Variants in ERVFRD-1 observed in about 807,000 individuals in gnomAD.
ERVFRD-1 encodes syncytin-2.
ERVFRD-1 carries 33 observed loss-of-function variants against 43.8 expected under a neutral mutation model. The ratio of observed to expected loss-of-function variants is 0.75; its 90% CI spans 0.57 to 1.01. ERVFRD-1 has a LOEUF of 1.01. ERVFRD-1 is among the 50% of genes least tolerant of loss of function. The pLI, the probability that ERVFRD-1 is intolerant of heterozygous loss-of-function variation, is 0.00. For missense variants in ERVFRD-1, 568 were observed against 658.4 expected, an observed-to-expected ratio of 0.86 and a Z score of 1.50; for synonymous variants, 239 against 244.4, an observed-to-expected ratio of 0.98 and a Z score of 0.21.
At chr6:11,108,986 T>C (rs2113648485) in intron 1 of ERVFRD-1, among the ~76,000 whole-genome samples, 1 of 152,338 alleles carries the variant, frequency 6.6e-6, no homozygotes, top group East Asian at 1.9e-4. Flanking sequence ...CTTTCATTCC[T>C]TCTATCAGAT....
rs1758017869 is a variant in ERVFRD-1 at position 11,102,966 on chromosome 6, G to A, written c.*728C>T. 6.6e-6 allele frequency: 1 copy of A among 152,186 alleles called. No homozygotes were observed. The highest frequency in any genetic ancestry group is 2.4e-5 in the African/African-American group (1 of 41,450). 9.4% of individuals were successfully genotyped at this position (152,186 alleles called of 1,614,324 possible). On this transcript the variant is annotated 3_prime_UTR_variant, in exon 2 of 2. Transcript: ENST00000472091. ...CTTGAGAGATCCAATTGCCTTGGTA[G>A]GCCCTTGACTTGGGGTTTTATACAT...
chr6:11,103,750 G>A lies in ERVFRD-1; in HGVS notation c.1561C>T (p.Gln521Ter). 1 of 1,551,670 alleles carries A rather than the reference G, an allele frequency of 6.4e-7. No homozygotes were observed. The highest frequency in any genetic ancestry group is 8.7e-7 in the Non-Finnish European group (1 of 1,146,986). Residue 521 changes from glutamine to a stop codon, truncating the protein, a stop_gained, in exon 2 of 2, where the codon CAG (glutamine) becomes TAG (stop). Transcript: ENST00000472091. LOFTEE classifies it high-confidence loss of function. ...TGGCGTCCTGCACTGAGATTCGTCT[G>A]GAGCTTTATGGCCTGAAGGCGAGAG... The part of the protein sequence containing the change: ...VSSRLQAIKL[Q>*]TNLSAGRHPR...
In ERVFRD-1 at chr6:11,103,595, C is replaced by G. The variant is rs1047382228; in HGVS notation, c.*99G>C. 8 of 1,452,106 alleles carry G rather than the reference C, an allele frequency of 5.5e-6. No individual in the cohort carries two copies. The African/African-American group carries it at 1.0e-4, about 18-fold the overall frequency. The allele number at this position is 1,452,106 out of a possible 1,614,324, so 90.0% of individuals were successfully genotyped here. ...TGCTAGCTGTCAGGGCAGGATGGCT[C>G]TGTGGATTGGCAAAAACCATATCCA... On this transcript the variant is annotated 3_prime_UTR_variant, in exon 2 of 2. Transcript: ENST00000472091.
Position 11,105,453 on chromosome 6 carries a change from AG to A in ERVFRD-1, c.-144del. 1 of 639,742 alleles carries A rather than the reference AG, an allele frequency of 1.6e-6. No individual in the cohort carries two copies. The allele number at this position is 639,742 out of a possible 1,614,324, so 39.6% of individuals were successfully genotyped here. Reference sequence around the variant, plus strand: ...TGGGATCACCTTACTTTGAGGTGAAAGGATGTTGGTGGGGCATTACTTATCT... The same window carrying A: ...TGGGATCACCTTACTTTGAGGTGAAAGATGTTGGTGGGGCATTACTTATCT... On this transcript the variant is annotated 5_prime_UTR_variant, in exon 2 of 2. The change abolishes the stop of an existing upstream ORF in the 5' untranslated region. Coordinates refer to ENST00000472091, the MANE Select transcript of ERVFRD-1 (RefSeq NM_207582.3).
At position 11,104,627 on chromosome 6, in the gene ERVFRD-1, A is replaced by C. The variant is rs1396094042; in HGVS notation, c.684T>G (p.Val228=). Residue 228 remains valine (V), a synonymous_variant, in exon 2 of 2, where the codon GTT becomes GTG. Coordinates refer to ENST00000472091, the MANE Select transcript of ERVFRD-1 (RefSeq NM_207582.3). ...ISNLSSTAEW[V]LLDQTRNSLF... is the part of the protein sequence containing the mutation. ...GAGAATTTCGAGTTTGGTCCAATAGAACCCATTCCGCTGTAGAGCTGAGGT... is the reference window on the plus strand; with the variant it reads ...GAGAATTTCGAGTTTGGTCCAATAGCACCCATTCCGCTGTAGAGCTGAGGT... 1 of 1,614,206 alleles carries C rather than the reference A, an allele frequency of 6.2e-7. No homozygotes were observed. Among genetic ancestry groups the C allele is most frequent in the South Asian group, 1.1e-5 (1 of 91,086 alleles).
rs13214666 is a variant in ERVFRD-1 at position 11,103,304 on chromosome 6, C to A, written c.*390G>T. ...TGTTTCCTATCTATTGGGAGGCCAT[C>A]GTTCCCTGGCGCCAGCTGCCACTCA... is the stretch of plus-strand genomic sequence containing the variant. On this transcript the variant is annotated 3_prime_UTR_variant, in exon 2 of 2. Transcript: ENST00000472091. 0.2 allele frequency: 37,053 copies of A among 182,162 alleles called. 4,237 individuals carry two copies. The highest frequency in any genetic ancestry group is 0.3 in the African/African-American group (12,834 of 42,432). The allele number at this position is 182,162 out of a possible 1,614,324, so 11.3% of individuals were successfully genotyped here.
intron 1 of ERVFRD-1, among the ~76,000 whole-genome samples, chr6:11,108,687 A>C (rs1758124107): frequency 6.6e-6 from 1 of 151,336 alleles, no homozygotes; most frequent in Non-Finnish European, 1.5e-5. Context: ...GCCCTTTCCT[A>C]CTCCTCCTGG....
In ERVFRD-1 at chr6:11,105,237, A is replaced by C. The variant is rs760973196; in HGVS notation, c.74T>G (p.Leu25Trp). The C allele has an allele frequency of 6.2e-7, 1 of 1,614,162 alleles. No individual in the cohort carries two copies. Among genetic ancestry groups the C allele is most frequent in the African/African-American group, 1.3e-5 (1 of 75,048 alleles). ...TTGGAGCAGTTGCTGAGCTTTTTCC[A>C]ATAACGGGAAATCAGGATGGCGGTA... ...AAYRHPDFPL[L>W]EKAQQLLQST... is the part of the protein sequence containing the mutation. The change falls in exon 2 of 2, where the codon TTG (leucine) becomes TGG (tryptophan). Residue 25 changes from leucine to tryptophan, a missense_variant. Leu to Trp is a moderately conservative substitution (Grantham distance 61, BLOSUM62 -2). Coordinates refer to ENST00000472091, the MANE Select transcript of ERVFRD-1 (RefSeq NM_207582.3).
chr6:11,103,622 C>G lies in ERVFRD-1; in HGVS notation c.*72G>C. The stretch of plus-strand genomic sequence containing the variant: ...GTGGATTGGCAAAAACCATATCCAG[C>G]CAGGTCCACGGGAGACGGGGCAGGA... On this transcript the variant is annotated 3_prime_UTR_variant, in exon 2 of 2. Coordinates refer to ENST00000472091, the MANE Select transcript of ERVFRD-1 (RefSeq NM_207582.3). The G allele has an allele frequency of 6.8e-7, 1 of 1,467,468 alleles. No individual in the cohort carries two copies. The highest frequency in any genetic ancestry group is 9.0e-7 in the Non-Finnish European group (1 of 1,109,594). 90.9% of individuals were successfully genotyped at this position (1,467,468 alleles called of 1,614,324 possible). A position where few individuals can be genotyped will look rare whatever the true frequency, so the allele number is the denominator to read the frequency against.
chr6:11,102,971 T>A lies in ERVFRD-1; in HGVS notation c.*723A>T, dbSNP rs1299151424. 1 of 152,232 alleles carries A rather than the reference T, an allele frequency of 6.6e-6. No homozygotes were observed. Among genetic ancestry groups the A allele is most frequent in the Non-Finnish European group, 1.5e-5 (1 of 68,058 alleles). The allele number at this position is 152,232 out of a possible 1,614,324, so 9.4% of individuals were successfully genotyped here. On this transcript the variant is annotated 3_prime_UTR_variant, in exon 2 of 2. Coordinates refer to ENST00000472091, the MANE Select transcript of ERVFRD-1 (RefSeq NM_207582.3). Reference sequence around the variant, plus strand: ...GAGATCCAATTGCCTTGGTAGGCCCTTGACTTGGGGTTTTATACATTGGCA... The same window carrying A: ...GAGATCCAATTGCCTTGGTAGGCCCATGACTTGGGGTTTTATACATTGGCA...
Position 11,103,781 on chromosome 6 carries a change from A to G in ERVFRD-1, c.1530T>C (p.Phe510=). Residue 510 remains phenylalanine, a synonymous_variant, in exon 2 of 2, where the codon TTT becomes TTC. Transcript: ENST00000472091. ...TTATGGCCTGAAGGCGAGAGGAGAC[A>G]AATTGGGTTATTAGATTTAGGAGAC... The part of the protein sequence containing the change: ...GPCLLNLITQ[F]VSSRLQAIKL... The G allele has an allele frequency of 6.4e-7, 1 of 1,551,700 alleles. No homozygotes were observed. The highest frequency in any genetic ancestry group is 8.7e-7 in the Non-Finnish European group (1 of 1,146,990).
intron 1 of ERVFRD-1, among the ~76,000 whole-genome samples, chr6:11,111,020 G>A (rs1343556969): frequency 6.6e-6 from 1 of 152,168 alleles, no homozygotes; most frequent in Non-Finnish European, 1.5e-5. Flanking sequence ...CAGAGCTAAG[G>A]TTCTGATTAG....
At chr6:11,106,763 T>G (rs1266831933) in intron 1 of ERVFRD-1, among the ~76,000 whole-genome samples, 1 of 152,190 alleles carries the variant, frequency 6.6e-6, no homozygotes, top group Non-Finnish European at 1.5e-5. Context: ...GCAGTTTCAT[T>G]AGAGCCCCTT....
At chr6:11,109,378 A>C (rs1294270957) in intron 1 of ERVFRD-1, among the ~76,000 whole-genome samples, 1 of 152,162 alleles carries the variant, frequency 6.6e-6, no homozygotes, top group Non-Finnish European at 1.5e-5. Context: ...GCATAACTTA[A>C]GGAGGTGGTG....
intron 1 of ERVFRD-1, among the ~76,000 whole-genome samples, chr6:11,108,847 G>T (rs1356452599): frequency 6.6e-6 from 1 of 152,168 alleles, no homozygotes; most frequent in Non-Finnish European, 1.5e-5. Context: ...CCTTCTAGTG[G>T]GTCTGGGTCT....
chr6:11,107,608 G>A (rs954652028), intron 1 of ERVFRD-1, among the ~76,000 whole-genome samples: 5 of 152,166 alleles, frequency 3.3e-5, no homozygotes, highest in African/African-American at 1.2e-4. Context: ...GGGTCGAGGG[G>A]GAGATACAAA....
In ERVFRD-1 at chr6:11,103,892, C is replaced by G. The variant is rs866974566; in HGVS notation, c.1419G>C (p.Trp473Cys). Residue 473 changes from tryptophan to cysteine, a missense_variant, in exon 2 of 2, where the codon TGG (tryptophan) becomes TGC (cysteine). Physicochemically the swap from Trp to Cys is radical, Grantham distance 215 (BLOSUM62 -2). Transcript: ENST00000472091. ...RERATQGWLN[W>C]EGTWKWFSWV... ...AAGAGAACCATTTCCAAGTTCCTTC[C>G]CAATTTAACCAACCCTGAGTGGCTC... The G allele has an allele frequency of 1.3e-6, 2 of 1,551,606 alleles. No homozygotes were observed. Among genetic ancestry groups the G allele is most frequent in the South Asian group, 2.4e-5 (2 of 84,050 alleles).
chr6:11,104,505 A>G lies in ERVFRD-1; in HGVS notation c.806T>C (p.Ile269Thr), dbSNP rs72825119. Residue 269 changes from isoleucine to threonine, a missense_variant, in exon 2 of 2, where the codon ATA becomes ACA. Ile to Thr is a moderately conservative substitution (Grantham distance 89). Coordinates refer to ENST00000472091, the MANE Select transcript of ERVFRD-1 (RefSeq NM_207582.3). ...GMTIATSYLG[I>T]SAVSEFFGTS... ...TCCAAAAAATTCTGAGACTGCTGAT[A>G]TGCCCAGGTAGCTGGTGGCTATAGT... 169 of 1,559,606 alleles carry G rather than the reference A, an allele frequency of 1.1e-4. No homozygotes were observed. The highest frequency in any genetic ancestry group is 1.4e-4 in the Non-Finnish European group (161 of 1,151,132).
At chr6:11,107,910 G>C (rs1758110830) in intron 1 of ERVFRD-1, among the ~76,000 whole-genome samples, 1 of 152,182 alleles carries the variant, frequency 6.6e-6, no homozygotes, top group Non-Finnish European at 1.5e-5. Context: ...AAGGATTCTT[G>C]GGCTGAATTA....
Sources: allele counts gnomAD v4.1 joint callset (sites outside exome capture counted in the v4.1 genomes callset), GRCh38; gene constraint gnomAD v4.1.1; transcripts MANE v1.5; gene names NCBI Gene and HGNC (gene_info 2026-07-23, HGNC 2026-07-21).